COPB1: variants seen among roughly 807,000 people sequenced by gnomAD.
COPB1 encodes coatomer subunit beta.
In COPB1, 21 loss-of-function variants were observed where a neutral mutation model predicts 108.7. The ratio of observed to expected loss-of-function variants is 0.19; its 90% CI spans 0.14 to 0.28. COPB1 has a LOEUF of 0.28. COPB1 is among the 10% of genes least tolerant of loss of function. The pLI is 1.00. For missense variants in COPB1, 919 were observed against 1,141.3 expected (o/e 0.81, Z 2.81); for synonymous variants, 378 against 386.8 (o/e 0.98, Z 0.27).
chr11:14,468,718 T>C lies in COPB1; in HGVS notation c.2108A>G (p.Lys703Arg). ...LLAAMGNTQR[K>R]EAADPLASKL... is the part of the protein sequence containing the mutation. Reference sequence around the variant, plus strand: ...AGATGCTAGGGGATCTGCTGCCTCTTTCCTCTGTGTGTTACCCATTGCTGC... The same window carrying C: ...AGATGCTAGGGGATCTGCTGCCTCTCTCCTCTGTGTGTTACCCATTGCTGC... Residue 703 changes from lysine (K) to arginine (R), a missense_variant, in exon 16 of 22, where the codon AAA (lysine) becomes AGA (arginine). Lys to Arg is a conservative substitution (Grantham distance 26). This residue lies in a region of COPB1 where 705 missense variants were observed against 817.8 expected (regional missense o/e 0.86). Coordinates refer to ENST00000439561, the MANE Select transcript of COPB1 (RefSeq NM_001144061.2). 1 of 1,614,160 alleles carries C rather than the reference T, an allele frequency of 6.2e-7. No individual in the cohort carries two copies. Among genetic ancestry groups the C allele is most frequent in the Non-Finnish European group, 8.5e-7 (1 of 1,180,022 alleles).
chr11:14,469,220 C>A, intron 15 of COPB1, 116 bp downstream of exon 15: 1 of 840,054 alleles, frequency 1.2e-6, no homozygotes, highest in Admixed American at 1.9e-5. Flanking sequence ...TGGTCTCAAA[C>A]ACCTGGCCCC....
chr11:14,485,820 G>A (rs1164702972), intron 7 of COPB1, among the ~76,000 whole-genome samples: 1 of 152,086 alleles, frequency 6.6e-6, no homozygotes, highest in African/African-American at 2.4e-5. Flanking sequence ...TCCAGCCTGG[G>A]TGACAAAGCA....
chr11:14,489,786 T>C (rs1420808633), intron 5 of COPB1, among the ~76,000 whole-genome samples: 3 of 152,154 alleles, frequency 2.0e-5, no homozygotes, highest in Non-Finnish European at 2.9e-5. Context: ...AAAAAAGTTA[T>C]GAGGATGGAA....
intron 17 of COPB1, 74 bp downstream of exon 17, chr11:14,466,208 C>G: frequency 7.2e-7 from 1 of 1,379,596 alleles, no homozygotes; most frequent in Non-Finnish European, 9.9e-7. Context: ...ATACTGAAAC[C>G]TGTGCACCTC....
At chr11:14,462,101 G>A (rs1470624908) in intron 18 of COPB1, among the ~76,000 whole-genome samples, 2 of 150,964 alleles carry the variant, frequency 1.3e-5, no homozygotes, top group Non-Finnish European at 2.9e-5. Flanking sequence ...GTTTGTGGCT[G>A]GTTGAATCCA....
Position 14,490,818 on chromosome 11 carries a change from C to T in COPB1, c.492-139G>A, listed in dbSNP as rs184964766. On this transcript the variant is annotated intron_variant, in intron 4 of 21. Transcript: ENST00000439561. ...TTTTTTTTTTTTTTGGAGACAGAGT[C>T]TCACTCTGTTGCCTGGGCTGGAGTG... 7.7e-5 allele frequency: 43 copies of T among 561,574 alleles called. No individual in the cohort carries two copies. The African/African-American group carries it at 7.9e-4, about 10-fold the overall frequency. 34.8% of individuals were successfully genotyped at this position (561,574 alleles called of 1,614,324 possible). A position where few individuals can be genotyped will look rare whatever the true frequency, so the allele number is the denominator to read the frequency against.
intron 4 of COPB1, among the ~76,000 whole-genome samples, chr11:14,490,990 C>G (rs1348793202): frequency 1.3e-5 from 2 of 152,024 alleles, no homozygotes; most frequent in African/African-American, 2.4e-5. Flanking sequence ...GGGGTTTCAC[C>G]ATGTTGGCCA....
At chr11:14,467,864 A>G (rs1218667444) in intron 16 of COPB1, among the ~76,000 whole-genome samples, 1 of 152,208 alleles carries the variant, frequency 6.6e-6, no homozygotes, top group African/African-American at 2.4e-5. Context: ...ACAAAGTAGA[A>G]TGGTGGCTAG....
At chr11:14,489,516 A>G (rs909812183) in intron 5 of COPB1, among the ~76,000 whole-genome samples, 7 of 152,336 alleles carry the variant, frequency 4.6e-5, no homozygotes, top group Admixed American at 2.0e-4. Context: ...AATGTAGCAT[A>G]TATTTACAAT....
intron 4 of COPB1, among the ~76,000 whole-genome samples, chr11:14,491,045 T>C (rs1850888539): frequency 6.6e-6 from 1 of 151,892 alleles, no homozygotes; most frequent in Non-Finnish European, 1.5e-5. Context: ...CACCTTGGCC[T>C]CCAAAGTGCT....
At chr11:14,498,158 A>T (rs776141138) in intron 2 of COPB1, among the ~76,000 whole-genome samples, 1 of 152,240 alleles carries the variant, frequency 6.6e-6, no homozygotes, top group Non-Finnish European at 1.5e-5. Context: ...ACATTTAAAA[A>T]TAACTGAAAG....
chr11:14,485,544 G>A (rs1850750097), intron 7 of COPB1, among the ~76,000 whole-genome samples: 2 of 152,156 alleles, frequency 1.3e-5, no homozygotes, highest in Non-Finnish European at 2.9e-5. Context: ...CAATGACACA[G>A]TTGATTAAAA....
chr11:14,469,786 G>A (rs1850364012), intron 14 of COPB1, among the ~76,000 whole-genome samples: 1 of 152,156 alleles, frequency 6.6e-6, no homozygotes, highest in African/African-American at 2.4e-5. Context: ...GACAGCAGAG[G>A]CTTTTTAACT....
chr11:14,496,429 A>G, intron 2 of COPB1, among the ~76,000 whole-genome samples: 1 of 152,170 alleles, frequency 6.6e-6, no homozygotes, highest in East Asian at 1.9e-4. Flanking sequence ...AAGAAATTGA[A>G]GAAGTAATCT....
intron 4 of COPB1, among the ~76,000 whole-genome samples, chr11:14,493,215 G>A (rs112259937): frequency 6.6e-6 from 1 of 152,140 alleles, no homozygotes; most frequent in African/African-American, 2.4e-5. Context: ...AGTTATAACT[G>A]TAGCCCTTCT....
intron 6 of COPB1, among the ~76,000 whole-genome samples, 199 bp from the exon 7 acceptor site, chr11:14,486,703 G>A (rs1850783891): frequency 6.6e-6 from 1 of 152,072 alleles, no homozygotes; most frequent in Non-Finnish European, 1.5e-5. Context: ...AAAGAAGCAA[G>A]TTAGAGGCCA....
chr11:14,469,007 T>A, intron 15 of COPB1, 147 bp from the exon 16 acceptor site: 3 of 723,746 alleles, frequency 4.1e-6, no homozygotes, highest in Non-Finnish European at 4.5e-6. Context: ...TTCTTTTTTT[T>A]CTTCCTGAGA....
At chr11:14,466,746 T>A (rs1413364428) in intron 16 of COPB1, among the ~76,000 whole-genome samples, 4 of 152,168 alleles carry the variant, frequency 2.6e-5, no homozygotes, top group African/African-American at 7.2e-5. Flanking sequence ...CATTAAACAT[T>A]ATCCCAATTT....
At chr11:14,472,577 C>T (rs573752281) in intron 14 of COPB1, among the ~76,000 whole-genome samples, 2 of 152,354 alleles carry the variant, frequency 1.3e-5, no homozygotes, top group African/African-American at 4.8e-5. Context: ...ACCGACTTCT[C>T]TCTAGCTACC....
Sources: allele counts gnomAD v4.1 joint callset (sites outside exome capture counted in the v4.1 genomes callset), GRCh38; gene constraint gnomAD v4.1.1; regional missense constraint gnomAD v4.1.1; transcripts MANE v1.5; gene names NCBI Gene and HGNC (gene_info 2026-07-23, HGNC 2026-07-21).